The following LYST variants were observed in gnomAD, a reference collection of about 807,000 sequenced individuals.
The protein encoded by LYST is lysosomal trafficking regulator.
In LYST, 192 loss-of-function variants were observed where a neutral mutation model predicts 413.6. The ratio of observed to expected loss-of-function variants is 0.46; its 90% CI spans 0.41 to 0.52. The LOEUF (loss-of-function observed/expected upper bound fraction) is 0.52. Ranked by LOEUF, LYST falls within the 20% of genes least tolerant of loss-of-function variation. The probability of loss-of-function intolerance (pLI) is 0.00; values close to 1 mark genes in which losing one functional copy is unlikely to be tolerated. For synonymous variants in LYST, 1,525 were observed against 1,567.3 expected (o/e 0.97, Z 0.64); for missense variants, 3,815 against 4,499.9 (o/e 0.85, Z 4.35).
At chr1:235,675,050 C>A (rs1659268815) in intron 50 of LYST, among the ~76,000 whole-genome samples, 1 of 152,078 alleles carries the variant, frequency 6.6e-6, no homozygotes, top group African/African-American at 2.4e-5. Context: ...CTTAAACAAC[C>A]AAAAGGAACT....
chr1:235,671,633 A>G (rs1193479482), intron 50 of LYST, among the ~76,000 whole-genome samples: 3 of 152,226 alleles, frequency 2.0e-5, no homozygotes, highest in Non-Finnish European at 4.4e-5. Context: ...GGACAAAGGT[A>G]AAAGCAAGTG....
At chr1:235,738,581 A>G (rs1479680420) in intron 31 of LYST, 5 of 1,610,092 alleles carry the variant, frequency 3.1e-6, no homozygotes, top group Non-Finnish European at 3.4e-6. Flanking sequence ...GGGAACATGG[A>G]GATTCTAGTG....
intron 16 of LYST, among the ~76,000 whole-genome samples, chr1:235,777,576 A>G (rs1669401605): frequency 6.6e-6 from 1 of 152,330 alleles, no homozygotes; most frequent in Admixed American, 6.5e-5. Flanking sequence ...TAGAATATAT[A>G]TTAAGTTATA....
At chr1:235,753,344 T>C (rs2103316304) in intron 25 of LYST, 70 bp from the exon 26 acceptor site, 5 of 921,128 alleles carry the variant, frequency 5.4e-6, no homozygotes, top group African/African-American at 1.6e-5. Flanking sequence ...ATAGCAACTA[T>C]GGGTCATCTT....
In LYST at chr1:235,813,072, A is replaced by T. The variant is rs189018382; in HGVS notation, c.193-11T>A. The T allele has an allele frequency of 2.0e-6, 3 of 1,481,478 alleles. No homozygotes were observed. In the African/African-American group the frequency reaches 4.1e-5, roughly 20 times the overall value. 91.8% of individuals were successfully genotyped at this position (1,481,478 alleles called of 1,614,324 possible). A position where few individuals can be genotyped will look rare whatever the true frequency, so the allele number is the denominator to read the frequency against. Reference sequence around the variant, plus strand: ...TCTACATGTCAATGCCTATGTCAGTAACAAAAGAATCCTTCATGTTCTAAG... The same window carrying T: ...TCTACATGTCAATGCCTATGTCAGTTACAAAAGAATCCTTCATGTTCTAAG... On this transcript the variant is annotated splice_polypyrimidine_tract_variant and intron_variant, in intron 3 of 52. Coordinates refer to ENST00000389793, the MANE Select transcript of LYST (RefSeq NM_000081.4).
intron 31 of LYST, chr1:235,737,824 A>C (rs1664949824): frequency 1.6e-5 from 14 of 893,298 alleles, no homozygotes; most frequent in Non-Finnish European, 1.9e-5. Context: ...CATTCCAAAA[A>C]TTAATAAACA....
chr1:235,828,795 T>C (rs1675614157), intron 3 of LYST: 4 of 783,912 alleles, frequency 5.1e-6, no homozygotes, highest in Non-Finnish European at 6.2e-6. Flanking sequence ...TCACTATACA[T>C]GGTCTAACAT....
At position 235,806,053 on chromosome 1, in the gene LYST, G is replaced by A. The variant is rs150636017; in HGVS notation, c.3083C>T (p.Ser1028Phe). 3 of 1,613,826 alleles carry A rather than the reference G, an allele frequency of 1.9e-6. No individual in the cohort carries two copies. Among genetic ancestry groups the A allele is most frequent in the Non-Finnish European group, 2.5e-6 (3 of 1,179,898 alleles). Reference protein sequence around the residue: ...VNENQDLNRISQPKRTMKEDL... With the variant: ...VNENQDLNRIFQPKRTMKEDL... ...TTCCTTCATAGTTCTCTTAGGTTGA[G>A]AAATTCTGTTTAAATCCTGGTTTTC... Residue 1028 changes from serine to phenylalanine, a missense_variant, in exon 6 of 53, where the codon TCT becomes TTT. Physicochemically the swap from Ser to Phe is radical, Grantham distance 155. Coordinates refer to ENST00000389793, the MANE Select transcript of LYST (RefSeq NM_000081.4).
intron 48 of LYST, among the ~76,000 whole-genome samples, chr1:235,683,137 T>A (rs562851378): frequency 6.6e-6 from 1 of 152,252 alleles, no homozygotes; most frequent in Non-Finnish European, 1.5e-5. Flanking sequence ...TAGTAGTATT[T>A]GATAATTTTT....
chr1:235,845,495 T>TC (rs1016692205), intron 1 of LYST, among the ~76,000 whole-genome samples: 16 of 152,084 alleles, frequency 1.1e-4, no homozygotes, highest in African/African-American at 3.9e-4. Context: ...TGGCCAGAAC[T>TC]CCGGGGAGGG....
chr1:235,878,015 T>C (rs1443777150), intron 1 of LYST, among the ~76,000 whole-genome samples: 2 of 152,212 alleles, frequency 1.3e-5, no homozygotes, highest in African/African-American at 4.8e-5. Context: ...TTGACTCAGA[T>C]AAGATGTATC....
rs1022143233 is a variant in LYST at position 235,702,954 on chromosome 1, A to G, written c.10167T>C (p.Ser3389=). The G allele has an allele frequency of 1.2e-6, 2 of 1,614,008 alleles. No homozygotes were observed. Among genetic ancestry groups the G allele is most frequent in the Non-Finnish European group, 8.5e-7 (1 of 1,179,844 alleles). ...HPATYFGMDV[S]AVEDPVQRRA... ...GTCTCTGAACTGGATCTTCAACTGC[A>G]GAGACATCCATTCCAAAATATGTCT... is the stretch of plus-strand genomic sequence containing the variant. Residue 3389 remains serine (S), a synonymous_variant, in exon 45 of 53, where the codon TCT becomes TCC. Transcript: ENST00000389793.
At chr1:235,704,682 T>C (rs1322975174) in intron 44 of LYST, among the ~76,000 whole-genome samples, 1 of 152,156 alleles carries the variant, frequency 6.6e-6, no homozygotes, top group African/African-American at 2.4e-5. Flanking sequence ...TTTGCAAATA[T>C]TTTCTCCCAT....
At position 235,809,253 on chromosome 1, in the gene LYST, G is replaced by A. The variant is rs147963856; in HGVS notation, c.1565C>T (p.Ser522Leu). ...HHRDLSGLLV[S>L]AFKNQVSKNP... ...TTTGGAAACCTGGTTTTTAAAAGCC[G>A]AAACCAGAAGACCTGAGAGATCTCG... is the stretch of plus-strand genomic sequence containing the variant. The change falls in exon 5 of 53, where the codon TCG (serine) becomes TTG (leucine). Residue 522 changes from serine to leucine, a missense_variant. Ser to Leu is a moderately radical substitution (Grantham distance 145). Coordinates refer to ENST00000389793, the MANE Select transcript of LYST (RefSeq NM_000081.4). This position sits in a 1 kb window ranked among gnomAD's most constrained non-coding sequence, Gnocchi z 4.0. The A allele has an allele frequency of 4.3e-5, 70 of 1,613,792 alleles. No homozygotes were observed. Among genetic ancestry groups the A allele is most frequent in the African/African-American group, 3.3e-4 (25 of 74,946 alleles).
chr1:235,741,502 CTT>C lies in LYST; in HGVS notation c.8276_8277del (p.Gln2759ArgfsTer7). 6.2e-7 allele frequency: 1 copy of C among 1,614,130 alleles called. No individual in the cohort carries two copies. Among genetic ancestry groups the C allele is most frequent in the Non-Finnish European group, 8.5e-7 (1 of 1,180,006 alleles). On this transcript the variant is annotated frameshift_variant, in exon 31 of 53. Transcript: ENST00000389793. LOFTEE classifies it high-confidence loss of function. ...ACTATTTCAAAAATTTGCTTTCTCT[CTT>C]GTGCAGCGTGGGCTGGCGACAAAAT... Reference protein sequence around the residue: ...VHILSPAHAAQERKQIFEIVH... With the variant: ...VHILSPAHAAXERKQIFEIVH...
intron 16 of LYST, among the ~76,000 whole-genome samples, chr1:235,778,132 G>GATATATATATATATATATATATATATAT (rs1669495894): frequency 7.3e-6 from 1 of 137,678 alleles, no homozygotes; most frequent in African/African-American, 3.4e-5. Flanking sequence ...TTTTTGTAGA[G>GATATATATATATATATATATATATATAT]ACATGGTCTT....
At chr1:235,738,454 G>T in intron 31 of LYST, 10 of 1,612,758 alleles carry the variant, frequency 6.2e-6, no homozygotes, top group Non-Finnish European at 8.5e-6. Context: ...GAAGATAATG[G>T]CTTTCCCAAA....
At chr1:235,872,295 C>CA (rs3077214) in intron 1 of LYST, among the ~76,000 whole-genome samples, 240 of 107,496 alleles carry the variant, frequency 2.2e-3, no homozygotes, top group East Asian at 5.0e-3. Flanking sequence ...CATTCTGTCT[C>CA]AAAAAAAAAA....
At chr1:235,845,839 A>C (rs1430970116) in intron 1 of LYST, among the ~76,000 whole-genome samples, 2 of 151,928 alleles carry the variant, frequency 1.3e-5, no homozygotes, top group Non-Finnish European at 2.9e-5. Context: ...GCACGACCCA[A>C]CCAAGGAGCT....
Sources: gnomAD v4.1 joint callset for allele counts (sites outside exome capture counted in the v4.1 genomes callset) on GRCh38, gnomAD v4.1.1 for gene constraint, Gnocchi (gnomAD v3.1) non-coding constraint, MANE v1.5 for transcripts, NCBI Gene and HGNC (gene_info 2026-07-23, HGNC 2026-07-21) for gene names.